NRIP1: variants seen among roughly 807,000 people sequenced by gnomAD.
NRIP1 encodes the protein nuclear receptor interacting protein 1.
In NRIP1, 28 loss-of-function variants were observed where a neutral mutation model predicts 75.0. The ratio of observed to expected loss-of-function variants is 0.37; its 90% confidence interval spans 0.28 to 0.51. NRIP1 has a LOEUF of 0.51. Among genes scored for constraint, NRIP1 ranks in the 20% least tolerant of loss-of-function variants. The pLI is 0.92. For synonymous variants in NRIP1, 526 were observed against 487.6 expected (o/e 1.08, Z -1.04); for missense variants, 1,435 against 1,343.7 (o/e 1.07, Z -1.06).
At chr21:15,010,945 C>T (rs1180717013) in intron 3 of NRIP1, among the ~76,000 whole-genome samples, 1 of 152,114 alleles carries the variant, frequency 6.6e-6, no homozygotes, top group Admixed American at 6.5e-5. Flanking sequence ...AGTGAGAAGG[C>T]CAAATTGGTT....
At chr21:15,005,509 T>G (rs1485225924) in intron 3 of NRIP1, among the ~76,000 whole-genome samples, 1 of 152,196 alleles carries the variant, frequency 6.6e-6, no homozygotes, top group African/African-American at 2.4e-5. Flanking sequence ...AGTGTGACCT[T>G]GAGCTGCATC....
intron 3 of NRIP1, among the ~76,000 whole-genome samples, chr21:14,968,815 T>C (rs1421880288): frequency 6.6e-6 from 1 of 152,180 alleles, no homozygotes; most frequent in East Asian, 1.9e-4. Flanking sequence ...AGCCGCCAAG[T>C]CTCTGAATTT....
Position 15,064,934 on chromosome 21 carries a change from G to C in NRIP1, c.-727C>G, listed in dbSNP as rs1978746689. ...TGGCGGGCGGGCGTGGGGCCGGGTCGTCCCTGCGCCTCGCCGCCGCCTCCT... is the reference window on the plus strand; with the variant it reads ...TGGCGGGCGGGCGTGGGGCCGGGTCCTCCCTGCGCCTCGCCGCCGCCTCCT... On this transcript the variant is annotated 5_prime_UTR_variant, in exon 1 of 4. Transcript: ENST00000318948. 6.7e-6 allele frequency: 1 copy of C among 148,606 alleles called. No individual in the cohort carries two copies. The highest frequency in any genetic ancestry group is 2.5e-5 in the African/African-American group (1 of 40,316). 9.2% of individuals were successfully genotyped at this position (148,606 alleles called of 1,614,324 possible). A position where few individuals can be genotyped will look rare whatever the true frequency, so the allele number is the denominator to read the frequency against.
chr21:15,061,809 T>A (rs1346349008), intron 1 of NRIP1, among the ~76,000 whole-genome samples: 1 of 152,220 alleles, frequency 6.6e-6, no homozygotes, highest in Non-Finnish European at 1.5e-5. Context: ...TGATTTAAAA[T>A]TACTTCTATG....
In NRIP1 at chr21:15,064,886, A is replaced by ACGGGCGGACGGGCGCGCGCGGGTGGCGGG; in HGVS notation, c.-708_-680dup. On this transcript the variant is annotated 5_prime_UTR_variant, in exon 1 of 4. Transcript: ENST00000318948. ...ACGGCGCAGCGGCGGACGCGAGGCC[A>ACGGGCGGACGGGCGCGCGCGGGTGGCGGG]CGGGCGGACGGGCGCGCGCGGGTGG... The ACGGGCGGACGGGCGCGCGCGGGTGGCGGG allele has an allele frequency of 6.8e-6, 1 of 148,086 alleles. No individual in the cohort carries two copies. Among genetic ancestry groups the ACGGGCGGACGGGCGCGCGCGGGTGGCGGG allele is most frequent in the African/African-American group, 2.4e-5 (1 of 41,058 alleles). The allele number at this position is 148,086 out of a possible 1,614,324, so 9.2% of individuals were successfully genotyped here.
At chr21:14,996,155 T>C (rs903357473) in intron 3 of NRIP1, among the ~76,000 whole-genome samples, 3 of 152,202 alleles carry the variant, frequency 2.0e-5, no homozygotes, top group Non-Finnish European at 4.4e-5. Flanking sequence ...AAACATACCA[T>C]GGTATCAATA....
chr21:15,061,895 A>C (rs2089431103), intron 1 of NRIP1, among the ~76,000 whole-genome samples: 1 of 152,230 alleles, frequency 6.6e-6, no homozygotes, highest in Admixed American at 6.5e-5. Context: ...ATCTTTCTAG[A>C]GTCAAGGATG....
intron 2 of NRIP1, among the ~76,000 whole-genome samples, chr21:15,028,083 T>C (rs981430531): frequency 5.9e-5 from 9 of 152,192 alleles, no homozygotes; most frequent in African/African-American, 2.2e-4. Flanking sequence ...CTAAATCAAA[T>C]TTGCTATCCA....
intron 1 of NRIP1, chr21:15,050,721 G>C (rs1357830876): frequency 4.4e-6 from 2 of 455,906 alleles, no homozygotes; most frequent in Non-Finnish European, 8.8e-6. Context: ...TGATGGTTTT[G>C]ACTCCTTTCT....
intron 3 of NRIP1, among the ~76,000 whole-genome samples, chr21:15,011,210 G>A (rs2088092712): frequency 6.6e-6 from 1 of 151,764 alleles, no homozygotes; most frequent in Non-Finnish European, 1.5e-5. Context: ...TTTTTTTTGA[G>A]ATGGAGTCTT....
At chr21:15,005,490 G>A (rs1442963782) in intron 3 of NRIP1, among the ~76,000 whole-genome samples, 2 of 152,170 alleles carry the variant, frequency 1.3e-5, no homozygotes, top group Admixed American at 6.5e-5. Flanking sequence ...GAATGTCACA[G>A]GGCGGGTTAG....
chr21:15,041,374 T>C (rs750149363), intron 2 of NRIP1, among the ~76,000 whole-genome samples: 4 of 152,124 alleles, frequency 2.6e-5, no homozygotes, highest in East Asian at 3.8e-4. Flanking sequence ...ATAAGCCTTC[T>C]GGAGTAGGGT....
rs111965434 is a variant in NRIP1 at position 15,019,793 on chromosome 21, A to G, written c.-457-5327T>C. On this transcript the variant is annotated intron_variant, in intron 2 of 3. Coordinates refer to ENST00000318948, the MANE Select transcript of NRIP1 (RefSeq NM_003489.4). ...ATAAGCCACCACACCTGGCCATTAA[A>G]TTTATTCTTAAGCTTTATTCTTTTT... is the stretch of plus-strand genomic sequence containing the variant. Among the ~76,000 whole-genome samples the G allele has an allele frequency of 0.015, 2,313 of 152,004 alleles. 200 individuals are homozygous for G. In the East Asian group the frequency reaches 0.26, roughly 17 times the overall value.
At chr21:15,005,193 C>T (rs1204644876) in intron 3 of NRIP1, among the ~76,000 whole-genome samples, 2 of 152,188 alleles carry the variant, frequency 1.3e-5, no homozygotes, top group African/African-American at 4.8e-5. Flanking sequence ...CAGCTTCCAT[C>T]ATACATGGGT....
intron 1 of NRIP1, among the ~76,000 whole-genome samples, chr21:15,049,945 A>G (rs1042885927): frequency 2.0e-5 from 3 of 152,168 alleles, no homozygotes; most frequent in East Asian, 1.9e-4. Context: ...ACTTCAATAC[A>G]TGATGTCACT....
intron 3 of NRIP1, among the ~76,000 whole-genome samples, chr21:14,978,157 A>G (rs932959932): frequency 2.0e-5 from 3 of 152,234 alleles, no homozygotes; most frequent in African/African-American, 7.2e-5. Context: ...AAGACTCATT[A>G]GAGACACTCC....
intron 2 of NRIP1, among the ~76,000 whole-genome samples, chr21:15,033,234 A>AG: frequency 6.6e-6 from 1 of 152,014 alleles, no homozygotes; most frequent in Non-Finnish European, 1.5e-5. Flanking sequence ...CAAAAAAAAA[A>AG]AAAAAAAAAT....
chr21:15,045,146 G>C lies in NRIP1; in HGVS notation c.-537-1572C>G, dbSNP rs78963179. On this transcript the variant is annotated intron_variant, in intron 1 of 3. Transcript: ENST00000318948. The stretch of plus-strand genomic sequence containing the variant: ...ATTTCAATGCTCTCCTAATCCCCCC[G>C]GCCCAGACAATCAGCCTGGTTGGGT... Among the ~76,000 whole-genome samples, 3 of 151,976 alleles carry C rather than the reference G, an allele frequency of 2.0e-5. No homozygotes were observed. In the South Asian group the frequency reaches 6.2e-4, roughly 32 times the overall value.
At chr21:15,002,302 C>T (rs979023899) in intron 3 of NRIP1, 1 of 152,172 alleles carries the variant, frequency 6.6e-6, no homozygotes, top group Non-Finnish European at 1.5e-5. Context: ...TGCCTTGACT[C>T]CCTAATGCCC....
Sources: allele counts gnomAD v4.1 joint callset (sites outside exome capture counted in the v4.1 genomes callset), GRCh38; gene constraint gnomAD v4.1.1; transcripts MANE v1.5; gene names NCBI Gene and HGNC (gene_info 2026-07-23, HGNC 2026-07-21).